The following TNKS variants were observed in gnomAD, a reference collection of about 807,000 sequenced individuals.
TNKS encodes the protein poly [ADP-ribose] polymerase tankyrase-1.
A neutral mutation model predicts 135.8 loss-of-function variants in TNKS; 72 were observed. The observed-to-expected ratio is 0.53, with a 90% confidence interval of 0.44 to 0.64. The LOEUF is 0.64. Ranked by LOEUF, TNKS falls within the 30% of genes least tolerant of loss-of-function variation. The probability of loss-of-function intolerance (pLI) is 0.00; values close to 1 mark genes in which losing one functional copy is unlikely to be tolerated. For synonymous variants in TNKS, 849 were observed against 649.3 expected (o/e 1.31, Z -4.68); for missense variants, 1,769 against 1,674.0 (o/e 1.06, Z -0.99).
intron 2 of TNKS, among the ~76,000 whole-genome samples, chr8:9,607,174 A>G (rs918066084): frequency 5.3e-5 from 8 of 152,232 alleles, no homozygotes; most frequent in African/African-American, 1.9e-4. Context: ...AGCTTACTGC[A>G]TGTTAGCATG....
At chr8:9,588,317 C>G (rs748805006) in intron 2 of TNKS, among the ~76,000 whole-genome samples, 6 of 152,038 alleles carry the variant, frequency 3.9e-5, no homozygotes, top group African/African-American at 7.2e-5. Context: ...CTCTGTCGCC[C>G]AGGCTGGAGT....
At chr8:9,706,714 G>C in intron 7 of TNKS, 97 bp from the exon 8 acceptor site, 2 of 1,188,638 alleles carry the variant, frequency 1.7e-6, no homozygotes, top group South Asian at 1.5e-5. Context: ...ATTTGAACAA[G>C]TTATAACTGA....
Position 9,764,737 on chromosome 8 carries a change from C to T in TNKS, c.3394C>T (p.His1132Tyr). The part of the protein sequence containing the change: ...EEEMQSTIRE[H>Y]RDGGNAGGIF... ...GTAGATGCAAAGTACTATTCGAGAA[C>T]ACAGAGATGGTGGTAATGCTGGCGG... Residue 1132 changes from histidine to tyrosine, a missense_variant, in exon 23 of 27, where the codon CAC becomes TAC. Coordinates refer to ENST00000310430, the MANE Select transcript of TNKS (RefSeq NM_003747.3). 1.3e-6 allele frequency: 2 copies of T among 1,599,142 alleles called. No homozygotes were observed. Among genetic ancestry groups the T allele is most frequent in the Non-Finnish European group, 1.7e-6 (2 of 1,174,892 alleles).
rs34016764 is a variant in TNKS, at chr8:9,733,433, C to A, written c.2302C>A (p.Leu768Ile). 1.6e-5 allele frequency: 26 copies of A among 1,612,742 alleles called. No individual in the cohort carries two copies. The African/African-American group carries it at 3.5e-4, about 22-fold the overall frequency. ...AAKGKYEICK[L>I]LLKHGADPTK... is the part of the protein sequence containing the mutation. ...TAAAGGAAAGTATGAAATCTGCAAG[C>A]TCCTTTTAAAAGTATGTAGTTTAAA... is the stretch of plus-strand genomic sequence containing the variant. Residue 768 changes from leucine (L) to isoleucine (I), a missense_variant, in exon 15 of 27, where the codon CTC becomes ATC. Physicochemically the swap from Leu to Ile is conservative, Grantham distance 5. Transcript: ENST00000310430.
At chr8:9,656,267 G>A (rs1014796957) in intron 3 of TNKS, among the ~76,000 whole-genome samples, 5 of 152,218 alleles carry the variant, frequency 3.3e-5, no homozygotes, top group Non-Finnish European at 1.5e-5. Flanking sequence ...GTCCTGATTG[G>A]TGTACCTGAA....
intron 2 of TNKS, among the ~76,000 whole-genome samples, chr8:9,594,064 TTTAG>T: frequency 6.6e-6 from 1 of 152,040 alleles, no homozygotes; most frequent in East Asian, 1.9e-4. Context: ...GTTTTGTATT[TTTAG>T]TAGAGATGGG....
At chr8:9,612,454 C>T (rs921450390) in intron 2 of TNKS, among the ~76,000 whole-genome samples, 1 of 152,120 alleles carries the variant, frequency 6.6e-6, no homozygotes, top group Non-Finnish European at 1.5e-5. Context: ...TTATATAGCA[C>T]TGCCCAGGGT....
intron 5 of TNKS, 77 bp downstream of exon 5, chr8:9,680,877 C>A: frequency 2.0e-6 from 2 of 1,019,600 alleles, no homozygotes; most frequent in Non-Finnish European, 3.1e-6. Context: ...TATATATAAG[C>A]ACGTATACCT....
intron 11 of TNKS, among the ~76,000 whole-genome samples, chr8:9,711,150 C>T (rs1294221284): frequency 6.6e-6 from 1 of 152,046 alleles, no homozygotes; most frequent in Non-Finnish European, 1.5e-5. Flanking sequence ...CCCTATGGAG[C>T]ATACAAGATG....
At chr8:9,699,339 G>A (rs1242733142) in intron 5 of TNKS, among the ~76,000 whole-genome samples, 2 of 152,198 alleles carry the variant, frequency 1.3e-5, no homozygotes, top group African/African-American at 4.8e-5. Flanking sequence ...CCTAGGGTGT[G>A]TGATTTTTTT....
intron 26 of TNKS, among the ~76,000 whole-genome samples, chr8:9,770,799 G>A (rs1157775943): frequency 6.6e-6 from 1 of 152,192 alleles, no homozygotes; most frequent in Non-Finnish European, 1.5e-5. Context: ...GCTGTTGGGG[G>A]AAGACTGACA....
chr8:9,713,381 C>A (rs1366521418), intron 11 of TNKS, among the ~76,000 whole-genome samples: 2 of 152,170 alleles, frequency 1.3e-5, no homozygotes, highest in Non-Finnish European at 1.5e-5. Context: ...AAAATAGTAT[C>A]TATTTATTGT....
At chr8:9,742,884 A>G (rs1007223783) in intron 17 of TNKS, among the ~76,000 whole-genome samples, 6 of 151,794 alleles carry the variant, frequency 4.0e-5, no homozygotes, top group Non-Finnish European at 8.8e-5. Context: ...TTAACACAAT[A>G]TAAAAAGTTT....
chr8:9,653,905 C>T (rs1333210780), intron 3 of TNKS, among the ~76,000 whole-genome samples: 2 of 152,150 alleles, frequency 1.3e-5, no homozygotes, highest in Non-Finnish European at 2.9e-5. Flanking sequence ...TTCCCTGCTA[C>T]CAGATGACTT....
At chr8:9,735,766 C>G (rs897251026) in intron 17 of TNKS, among the ~76,000 whole-genome samples, 11 of 151,982 alleles carry the variant, frequency 7.2e-5, no homozygotes, top group African/African-American at 2.7e-4. Flanking sequence ...CGCCACTGCA[C>G]TCCAGCCTGG....
chr8:9,643,466 G>C (rs868115253), intron 3 of TNKS, among the ~76,000 whole-genome samples: 1 of 151,562 alleles, frequency 6.6e-6, no homozygotes. Context: ...CATTCATGAG[G>C]GTGGAGCCCT....
chr8:9,615,439 T>C (rs1041825121), intron 2 of TNKS, 143 bp from the exon 3 acceptor site: 8 of 583,844 alleles, frequency 1.4e-5, no homozygotes, highest in Non-Finnish European at 2.3e-5. Flanking sequence ...GCAGTGCTTT[T>C]TTGCTTTTTT....
intron 1 of TNKS, among the ~76,000 whole-genome samples, chr8:9,564,886 C>T (rs536595021): frequency 6.6e-6 from 1 of 152,004 alleles, no homozygotes; most frequent in Non-Finnish European, 1.5e-5. Flanking sequence ...AAGAAACATT[C>T]AGAAATGGAC....
intron 5 of TNKS, among the ~76,000 whole-genome samples, chr8:9,695,449 G>C (rs902570403): frequency 6.6e-6 from 1 of 152,130 alleles, no homozygotes; most frequent in Non-Finnish European, 1.5e-5. Flanking sequence ...GAAGAAAGGG[G>C]AGAGGAAAAG....
Sources: allele counts gnomAD v4.1 joint callset (sites outside exome capture counted in the v4.1 genomes callset), GRCh38; gene constraint gnomAD v4.1.1; transcripts MANE v1.5; gene names NCBI Gene and HGNC (gene_info 2026-07-23, HGNC 2026-07-21).